METTL16: variants seen among roughly 807,000 people sequenced by gnomAD.
METTL16 encodes RNA N(6)-adenosine-methyltransferase METTL16.
In METTL16, 19 loss-of-function variants were observed where a neutral mutation model predicts 57.9. The observed-to-expected ratio is 0.33, with a 90% CI of 0.23 to 0.48. The LOEUF is 0.48. Ranked by LOEUF, METTL16 falls within the 20% of genes least tolerant of loss-of-function variation. METTL16 has a pLI of 0.99. For missense variants in METTL16, 434 were observed against 691.5 expected (o/e 0.63, Z 4.18); for synonymous variants, 246 against 255.6 (o/e 0.96, Z 0.36).
chr17:2,452,801 CTG>C (rs1801868095), intron 6 of METTL16, among the ~76,000 whole-genome samples: 1 of 152,104 alleles, frequency 6.6e-6, no homozygotes, highest in Non-Finnish European at 1.5e-5. Context: ...GTCTCATTAA[CTG>C]TAATATTTTG....
chr17:2,473,422 T>C, intron 4 of METTL16, 102 bp downstream of exon 4: 1 of 1,324,456 alleles, frequency 7.6e-7, no homozygotes, highest in Non-Finnish European at 1.0e-6. Context: ...TTTTTTTAAA[T>C]TACCGAAGTC....
In METTL16 at chr17:2,431,402, T is replaced by G. The variant is rs796379127; in HGVS notation, c.888+6707A>C. ...AGAGACATTTCAGTGGCTTCTAGTT[T>G]AGGGCTATTATGAATAATGTTGCTG... On this transcript the variant is annotated intron_variant, in intron 8 of 9. Transcript: ENST00000263092. Among the ~76,000 whole-genome samples the G allele has an allele frequency of 3.9e-4, 59 of 152,242 alleles. 1 individual carries two copies. The highest frequency in any genetic ancestry group is 3.8e-3 in the Admixed American group (58 of 15,282).
intron 3 of METTL16, among the ~76,000 whole-genome samples, chr17:2,475,806 G>A (rs2067265122): frequency 6.6e-6 from 1 of 152,224 alleles, no homozygotes; most frequent in Admixed American, 6.5e-5. Context: ...AATTAGAATG[G>A]ATGTGATTGC....
intron 6 of METTL16, among the ~76,000 whole-genome samples, chr17:2,457,502 T>TA (rs2067120212): frequency 6.6e-6 from 1 of 150,714 alleles, no homozygotes; most frequent in African/African-American, 2.4e-5. Flanking sequence ...AGGTCAGGAG[T>TA]TTTGAGACCA....
chr17:2,443,611 C>T (rs757942801), intron 6 of METTL16, among the ~76,000 whole-genome samples: 31 of 151,680 alleles, frequency 2.0e-4, no homozygotes, highest in Non-Finnish European at 4.0e-4. Flanking sequence ...CTCAGCCTCC[C>T]GAGTAGCTGG....
chr17:2,480,378 G>A (rs906454796), intron 2 of METTL16, among the ~76,000 whole-genome samples: 8 of 152,020 alleles, frequency 5.3e-5, no homozygotes, highest in African/African-American at 1.9e-4. Context: ...TAACTTATAG[G>A]GAGGAAAATG....
chr17:2,427,128 G>A (rs1042080014), intron 8 of METTL16, among the ~76,000 whole-genome samples: 20 of 152,036 alleles, frequency 1.3e-4, no homozygotes, highest in Non-Finnish European at 2.6e-4. Flanking sequence ...CCTGGGCAAC[G>A]GAGCAAGACC....
chr17:2,440,970 C>CAAAAAAAAA (rs760521188), intron 7 of METTL16, among the ~76,000 whole-genome samples: 63 of 33,890 alleles, frequency 1.9e-3, no homozygotes, highest in Non-Finnish European at 3.5e-3. Context: ...GACTTGATCT[C>CAAAAAAAAA]AAAAAAAAAA....
intron 3 of METTL16, among the ~76,000 whole-genome samples, chr17:2,474,463 G>A (rs895626035): frequency 4.6e-5 from 7 of 150,942 alleles, no homozygotes; most frequent in South Asian, 2.1e-4. Flanking sequence ...AAAATATTTG[G>A]TTTGGAGCCA....
chr17:2,505,586 G>C (rs1258729703), intron 1 of METTL16, among the ~76,000 whole-genome samples: 1 of 151,562 alleles, frequency 6.6e-6, no homozygotes, highest in Non-Finnish European at 1.5e-5. Context: ...TATTTCCTTA[G>C]AGACTACATT....
chr17:2,511,412 C>G (rs934539817), intron 1 of METTL16, among the ~76,000 whole-genome samples: 1 of 152,182 alleles, frequency 6.6e-6, no homozygotes, highest in Non-Finnish European at 1.5e-5. Flanking sequence ...TTCGCCTTCT[C>G]TCATAAATCC....
In METTL16 at chr17:2,441,484, C is replaced by G. The variant is rs746383647; in HGVS notation, c.798+6G>C. On this transcript the variant is annotated splice_donor_region_variant and intron_variant, in intron 7 of 9. Transcript: ENST00000263092. The stretch of plus-strand genomic sequence containing the variant: ...CTACACGAGAACAGTAATGAGGAAG[C>G]CTCACCCCTTGTATGCGAAGCTCCT... 3.1e-6 allele frequency: 5 copies of G among 1,588,506 alleles called. No individual in the cohort carries two copies. The highest frequency in any genetic ancestry group is 1.1e-5 in the South Asian group (1 of 87,372).
intron 1 of METTL16, among the ~76,000 whole-genome samples, chr17:2,507,492 G>T (rs1443218993): frequency 6.7e-6 from 1 of 148,624 alleles, no homozygotes; most frequent in East Asian, 2.0e-4. Flanking sequence ...CGCCCTGTCC[G>T]GGAGGGAGGT....
intron 6 of METTL16, among the ~76,000 whole-genome samples, chr17:2,450,249 G>C (rs1030920462): frequency 3.9e-5 from 6 of 152,170 alleles, no homozygotes; most frequent in Non-Finnish European, 8.8e-5. Context: ...ATGGATGAAC[G>C]AACTGTGGTA....
At position 2,419,888 on chromosome 17, in the gene METTL16, GC is replaced by G; in HGVS notation, c.*81del. 1 of 1,512,430 alleles carries G rather than the reference GC, an allele frequency of 6.6e-7. No individual in the cohort carries two copies. Among genetic ancestry groups the G allele is most frequent in the Non-Finnish European group, 9.1e-7 (1 of 1,103,134 alleles). The allele number at this position is 1,512,430 out of a possible 1,614,324, so 93.7% of individuals were successfully genotyped here. On this transcript the variant is annotated 3_prime_UTR_variant, in exon 10 of 10. Coordinates refer to ENST00000263092, the MANE Select transcript of METTL16 (RefSeq NM_024086.4). ...TTCCACATCGTGCTACTAATGGGCC[GC>G]TGGTAGGATTCCTCTTGCCACCCCA...
At chr17:2,454,563 ATTTTT>A (rs5818860) in intron 6 of METTL16, among the ~76,000 whole-genome samples, 2 of 126,254 alleles carry the variant, frequency 1.6e-5, no homozygotes, top group Non-Finnish European at 3.3e-5. Context: ...TATTATTATT[ATTTTT>A]TTTTTTTTTT....
In METTL16 at chr17:2,468,036, T is replaced by G. The variant is rs370183198; in HGVS notation, c.470-160A>C. On this transcript the variant is annotated intron_variant, in intron 4 of 9. Coordinates refer to ENST00000263092, the MANE Select transcript of METTL16 (RefSeq NM_024086.4). ...TACTGTACCTTTTCTATGTTTGATATGCTTAGATAGACAAATACCATTGTG... is the reference window on the plus strand; with the variant it reads ...TACTGTACCTTTTCTATGTTTGATAGGCTTAGATAGACAAATACCATTGTG... Among the ~76,000 whole-genome samples, 8 of 152,350 alleles carry G rather than the reference T, an allele frequency of 5.3e-5. No individual in the cohort carries two copies. The East Asian group carries it at 1.5e-3, about 29-fold the overall frequency.
chr17:2,445,317 T>C (rs192818301), intron 6 of METTL16, among the ~76,000 whole-genome samples: 50 of 152,296 alleles, frequency 3.3e-4, no homozygotes, highest in Non-Finnish European at 5.9e-4. Flanking sequence ...TAGGCCTAGG[T>C]GTGTAGTAGG....
chr17:2,452,311 G>A (rs901003184), intron 6 of METTL16, among the ~76,000 whole-genome samples: 2 of 152,016 alleles, frequency 1.3e-5, no homozygotes, highest in African/African-American at 4.8e-5. Context: ...ACCACACTGC[G>A]AATCATTTCA....
Sources: allele counts gnomAD v4.1 joint callset (sites outside exome capture counted in the v4.1 genomes callset), GRCh38; gene constraint gnomAD v4.1.1; transcripts MANE v1.5; gene names NCBI Gene and HGNC (gene_info 2026-07-23, HGNC 2026-07-21).